Variants in ROBO1 observed in about 807,000 individuals in gnomAD.
ROBO1 encodes the protein roundabout guidance receptor 1.
Under a neutral mutation model 195.9 loss-of-function variants are expected in ROBO1, and 149 were observed. The ratio of observed to expected loss-of-function variants is 0.76; its 90% CI spans 0.67 to 0.87. The LOEUF (loss-of-function observed/expected upper bound fraction) is 0.87. Among genes scored for constraint, ROBO1 ranks in the 40% least tolerant of loss-of-function variants. The pLI, the probability that ROBO1 is intolerant of heterozygous loss-of-function variation, is 0.00. For synonymous variants in ROBO1, 816 were observed against 733.2 expected, an observed-to-expected ratio of 1.11 and a Z score of -1.82; for missense variants, 1,933 against 2,068.3, an observed-to-expected ratio of 0.93 and a Z score of 1.27.
At chr3:79,490,233 C>T (rs953961938) in intron 2 of ROBO1, among the ~76,000 whole-genome samples, 5 of 152,030 alleles carry the variant, frequency 3.3e-5, no homozygotes, top group Admixed American at 1.3e-4. Context: ...TTATTTTGAC[C>T]TCTTCAAGGC....
intron 2 of ROBO1, among the ~76,000 whole-genome samples, chr3:79,245,600 T>A (rs115782989): frequency 3.9e-4 from 59 of 151,472 alleles, no homozygotes; most frequent in African/African-American, 1.4e-3. Flanking sequence ...TAAAAAAAAA[T>A]AAATCATGAC....
intron 2 of ROBO1, among the ~76,000 whole-genome samples, chr3:79,557,020 GT>G (rs375271433): frequency 0.18 from 24,578 of 135,606 alleles, 2,562 homozygotes; most frequent in African/African-American, 0.33. Flanking sequence ...TTTTTTTGTT[GT>G]TTTTTTTTTT....
At chr3:79,366,537 T>G (rs756572660) in intron 2 of ROBO1, among the ~76,000 whole-genome samples, 2 of 152,158 alleles carry the variant, frequency 1.3e-5, no homozygotes, top group Non-Finnish European at 2.9e-5. Context: ...TAGTGCTCTC[T>G]TGGCAAGAGA....
At chr3:78,873,649 C>T (rs1211333346) in intron 4 of ROBO1, among the ~76,000 whole-genome samples, 1 of 152,058 alleles carries the variant, frequency 6.6e-6, no homozygotes, top group Non-Finnish European at 1.5e-5. Flanking sequence ...TAAAGGAATA[C>T]TTCTTCAACA....
At position 79,639,531 on chromosome 3, in the gene ROBO1, T is replaced by A. The variant is rs527550847; in HGVS notation, c.-50-49570A>T. Reference sequence around the variant, plus strand: ...AAATGGCAAGAATTTTCTCTATCTTTAATTTGCACTACCAGGGAAAATGTC... The same window carrying A: ...AAATGGCAAGAATTTTCTCTATCTTAAATTTGCACTACCAGGGAAAATGTC... On this transcript the variant is annotated intron_variant, in intron 1 of 30. Transcript: ENST00000464233. Among the ~76,000 whole-genome samples the A allele has an allele frequency of 2.0e-5, 3 of 152,302 alleles. No homozygotes were observed. The East Asian group carries it at 5.8e-4, about 29-fold the overall frequency.
At chr3:79,216,548 C>T (rs572124635) in intron 2 of ROBO1, among the ~76,000 whole-genome samples, 1 of 152,040 alleles carries the variant, frequency 6.6e-6, no homozygotes, top group South Asian at 2.1e-4. Context: ...CTTATTTGAC[C>T]AAGGGATCCT....
chr3:79,697,042 A>G (rs1027073138), intron 1 of ROBO1, among the ~76,000 whole-genome samples: 1 of 151,466 alleles, frequency 6.6e-6, no homozygotes, highest in Non-Finnish European at 1.5e-5. Context: ...TCGGAGAAAA[A>G]TAAAGGAAAA....
At chr3:79,372,769 C>T (rs897192647) in intron 2 of ROBO1, among the ~76,000 whole-genome samples, 8 of 151,404 alleles carry the variant, frequency 5.3e-5, no homozygotes, top group Admixed American at 1.3e-4. Context: ...ATTTTTTTTT[C>T]ATTATTTGAG....
intron 4 of ROBO1, among the ~76,000 whole-genome samples, chr3:78,841,805 T>C (rs2033225927): frequency 6.6e-6 from 1 of 152,092 alleles, no homozygotes; most frequent in Non-Finnish European, 1.5e-5. Flanking sequence ...GAGAGAAACA[T>C]GGAAAAACAG....
intron 3 of ROBO1, among the ~76,000 whole-genome samples, chr3:78,960,833 C>T (rs1017475039): frequency 8.1e-6 from 1 of 123,840 alleles, no homozygotes; most frequent in South Asian, 2.9e-4. Context: ...CACACACACA[C>T]AAAATGAAAA....
intron 3 of ROBO1, among the ~76,000 whole-genome samples, chr3:79,076,741 T>A (rs2079180722): frequency 6.6e-6 from 1 of 151,784 alleles, no homozygotes; most frequent in African/African-American, 2.4e-5. Context: ...AAAGGAATGT[T>A]TCAATTAGAA....
At chr3:78,654,916 AAATT>A (rs1306810252) in intron 18 of ROBO1, among the ~76,000 whole-genome samples, 2 of 152,216 alleles carry the variant, frequency 1.3e-5, no homozygotes, top group Non-Finnish European at 2.9e-5. Flanking sequence ...CAATGTTCAT[AAATT>A]AATATTGAAA....
At chr3:79,661,566 C>T (rs1295366435) in intron 1 of ROBO1, among the ~76,000 whole-genome samples, 1 of 151,578 alleles carries the variant, frequency 6.6e-6, no homozygotes, top group Non-Finnish European at 1.5e-5. Context: ...TCCAACTTTG[C>T]TAGCATTTTT....
intron 4 of ROBO1, among the ~76,000 whole-genome samples, chr3:78,806,274 T>G (rs893771687): frequency 1.3e-5 from 2 of 152,142 alleles, no homozygotes; most frequent in African/African-American, 4.8e-5. Context: ...TTGCCTGGTC[T>G]GCTCTCTCTA....
chr3:78,739,623 A>G (rs1273346827), intron 5 of ROBO1, among the ~76,000 whole-genome samples: 1 of 152,124 alleles, frequency 6.6e-6, no homozygotes, highest in African/African-American at 2.4e-5. Context: ...AAATAATTTT[A>G]GGTTGTCTGA....
At chr3:78,632,886 G>A (rs1231182682) in intron 24 of ROBO1, among the ~76,000 whole-genome samples, 1 of 151,990 alleles carries the variant, frequency 6.6e-6, no homozygotes, top group Non-Finnish European at 1.5e-5. Context: ...TCTTAATTCA[G>A]GATTGACTTA....
At chr3:79,470,859 T>A (rs967194742) in intron 2 of ROBO1, among the ~76,000 whole-genome samples, 2 of 152,178 alleles carry the variant, frequency 1.3e-5, no homozygotes, top group Non-Finnish European at 1.5e-5. Flanking sequence ...AATTACCCAG[T>A]CTTGCGTTTG....
At chr3:79,401,632 G>A (rs143024565) in intron 2 of ROBO1, among the ~76,000 whole-genome samples, 11 of 151,800 alleles carry the variant, frequency 7.2e-5, no homozygotes, top group East Asian at 1.9e-4. Context: ...ATATGTATTC[G>A]TAAACACAAA....
intron 2 of ROBO1, among the ~76,000 whole-genome samples, chr3:79,572,167 G>T (rs976656252): frequency 6.6e-6 from 1 of 151,702 alleles, no homozygotes; most frequent in African/African-American, 2.4e-5. Context: ...AATAATAAAA[G>T]AAAAATTTAT....
Sources: allele counts gnomAD v4.1 joint callset (sites outside exome capture counted in the v4.1 genomes callset), GRCh38; gene constraint gnomAD v4.1.1; transcripts MANE v1.5; gene names NCBI Gene and HGNC (gene_info 2026-07-23, HGNC 2026-07-21).